The following CYP4Z1 variants were observed in gnomAD, a reference collection of about 807,000 sequenced individuals.
CYP4Z1 encodes the protein cytochrome P450 4Z1.
A neutral mutation model predicts 54.2 loss-of-function variants in CYP4Z1; 41 were observed. The ratio of observed to expected loss-of-function variants is 0.76; its 90% CI spans 0.59 to 0.98. The LOEUF is 0.98. Among genes scored for constraint, CYP4Z1 ranks in the 50% least tolerant of loss-of-function variants. CYP4Z1 has a pLI of 0.00. For missense variants in CYP4Z1, 513 were observed against 599.0 expected (o/e 0.86, Z 1.50); for synonymous variants, 163 against 206.2 (o/e 0.79, Z 1.79).
chr1:47,067,469 G>C lies in CYP4Z1; in HGVS notation c.-22G>C. On this transcript the variant is annotated 5_prime_UTR_variant, in exon 1 of 12. Transcript: ENST00000334194. Reference sequence around the variant, plus strand: ...TGGCTCAGTTCTCTCAGGCTCTCCAGAGCTCAGGACCTCTGAGAAGAATGG... The same window carrying C: ...TGGCTCAGTTCTCTCAGGCTCTCCACAGCTCAGGACCTCTGAGAAGAATGG... 6.3e-7 allele frequency: 1 copy of C among 1,579,346 alleles called. No homozygotes were observed. Among genetic ancestry groups the C allele is most frequent in the Non-Finnish European group, 8.6e-7 (1 of 1,160,502 alleles).
chr1:47,063,165 A>G (rs1827475), upstream of CYP4Z1, among the ~76,000 whole-genome samples: 1 of 152,178 alleles, frequency 6.6e-6, no homozygotes, highest in Non-Finnish European at 1.5e-5. Flanking sequence ...GCTCTCAGGA[A>G]GCCCCACTCC....
At chr1:47,086,537 G>A (rs1443974096) in intron 6 of CYP4Z1, among the ~76,000 whole-genome samples, 1 of 152,096 alleles carries the variant, frequency 6.6e-6, no homozygotes, top group Non-Finnish European at 1.5e-5. Context: ...TTTTTGATGG[G>A]GTTGTTTGTT....
chr1:47,106,483 G>A (rs893640308), intron 9 of CYP4Z1, among the ~76,000 whole-genome samples: 21 of 152,052 alleles, frequency 1.4e-4, no homozygotes, highest in African/African-American at 5.1e-4. Context: ...TATGGACTGA[G>A]GGTTGGGTGA....
upstream of CYP4Z1, among the ~76,000 whole-genome samples, chr1:47,066,311 G>A (rs1326639445): frequency 1.3e-5 from 2 of 152,116 alleles, no homozygotes; most frequent in Non-Finnish European, 2.9e-5. Flanking sequence ...GAATCCAACA[G>A]CATATCAAAA....
At chr1:47,055,740 C>G in the CYP4Z1 span, among the ~76,000 whole-genome samples, 7 of 152,080 alleles carry the variant, frequency 4.6e-5, no homozygotes, top group East Asian at 1.9e-4. Context: ...ATGGTAGTTT[C>G]TATTTCTGTG....
At chr1:47,114,546 T>A (rs985546865) in intron 9 of CYP4Z1, among the ~76,000 whole-genome samples, 2 of 152,168 alleles carry the variant, frequency 1.3e-5, no homozygotes, top group Non-Finnish European at 1.5e-5. Context: ...AATCTCCTCA[T>A]CTGACAAAGG....
the CYP4Z1 span, among the ~76,000 whole-genome samples, chr1:47,057,335 AATATATATATAT>A: frequency 3.5e-5 from 1 of 28,492 alleles, no homozygotes; most frequent in Non-Finnish European, 8.4e-5. Flanking sequence ...AAGAAAAAAA[AATATATATATAT>A]ATATATATAT....
chr1:47,107,130 A>G (rs1364773426), intron 9 of CYP4Z1, among the ~76,000 whole-genome samples: 1 of 152,244 alleles, frequency 6.6e-6, no homozygotes, highest in Non-Finnish European at 1.5e-5. Context: ...ACTATTTAGT[A>G]CTTACTAGGG....
At chr1:47,055,646 G>C in the CYP4Z1 span, among the ~76,000 whole-genome samples, 2 of 152,126 alleles carry the variant, frequency 1.3e-5, no homozygotes, top group Non-Finnish European at 2.9e-5. Context: ...GTTTAGTCTT[G>C]GGAGGGTGTA....
intron 8 of CYP4Z1, among the ~76,000 whole-genome samples, chr1:47,104,281 G>A (rs1362153952): frequency 6.6e-6 from 1 of 152,188 alleles, no homozygotes; most frequent in Non-Finnish European, 1.5e-5. Context: ...AGTGGAAGCT[G>A]TGGTGAAGTT....
chr1:47,116,836 C>G, intron 11 of CYP4Z1, 104 bp downstream of exon 11: 1 of 815,288 alleles, frequency 1.2e-6, no homozygotes, highest in Non-Finnish European at 1.9e-6. Context: ...GCTGTTGCTC[C>G]CCATTATTTT....
At chr1:47,060,079 ATTT>A in the CYP4Z1 span, among the ~76,000 whole-genome samples, 1 of 151,418 alleles carries the variant, frequency 6.6e-6, no homozygotes, top group African/African-American at 2.4e-5. Flanking sequence ...TAATAGATTT[ATTT>A]ATCTGATAAG....
chr1:47,060,184 A>G, the CYP4Z1 span, among the ~76,000 whole-genome samples: 1 of 152,124 alleles, frequency 6.6e-6, no homozygotes, highest in South Asian at 2.1e-4. Context: ...CTTCTTGTAA[A>G]ATACTTTTCA....
At chr1:47,112,066 G>A (rs1644795802) in intron 9 of CYP4Z1, among the ~76,000 whole-genome samples, 1 of 152,090 alleles carries the variant, frequency 6.6e-6, no homozygotes, top group Non-Finnish European at 1.5e-5. Flanking sequence ...ATCAGTTGGG[G>A]AAAGAATAAA....
upstream of CYP4Z1, among the ~76,000 whole-genome samples, chr1:47,063,124 C>G (rs1180024705): frequency 1.3e-5 from 2 of 152,038 alleles, no homozygotes; most frequent in African/African-American, 4.8e-5. Context: ...GTGGCTAGAC[C>G]CAGAAGAGCA....
Position 47,096,161 on chromosome 1 carries a change from G to A in CYP4Z1, c.876+1492G>A, listed in dbSNP as rs114863170. ...CTGCTGAGCATGGTGGCTCATACCT[G>A]TAATCCAGCGACTCAGAAGACAGAG... On this transcript the variant is annotated intron_variant, in intron 7 of 11. Transcript: ENST00000334194. 9.7e-3 allele frequency among the ~76,000 whole-genome samples: 1,476 copies of A among 152,286 alleles called. 20 individuals carry two copies. Among genetic ancestry groups the A allele is most frequent in the African/African-American group, 0.034 (1,407 of 41,558 alleles).
At chr1:47,068,389 G>A (rs1386832022) in intron 1 of CYP4Z1, among the ~76,000 whole-genome samples, 1 of 152,158 alleles carries the variant, frequency 6.6e-6, no homozygotes, top group Non-Finnish European at 1.5e-5. Context: ...GTTGACGCTG[G>A]AGTGAGAAGA....
intron 7 of CYP4Z1, chr1:47,096,629 CTTTTTT>C: frequency 8.3e-6 from 1 of 120,922 alleles, no homozygotes; most frequent in Non-Finnish European, 1.7e-5. Flanking sequence ...ATTTGCTCTT[CTTTTTT>C]TTTTTTTTTT....
At chr1:47,076,581 C>T (rs1490133029) in intron 2 of CYP4Z1, among the ~76,000 whole-genome samples, 2 of 152,008 alleles carry the variant, frequency 1.3e-5, no homozygotes, top group African/African-American at 2.4e-5. Flanking sequence ...CATGGTGGCT[C>T]ACGCCTGTAA....
Sources: gnomAD v4.1 joint callset for allele counts (sites outside exome capture counted in the v4.1 genomes callset) on GRCh38, gnomAD v4.1.1 for gene constraint, MANE v1.5 for transcripts, NCBI Gene and HGNC (gene_info 2026-07-23, HGNC 2026-07-21) for gene names.